Variants in SPTA1 observed in about 807,000 individuals in gnomAD.
The protein encoded by SPTA1 is spectrin alpha, erythrocytic 1.
In SPTA1, 177 loss-of-function variants were observed where a neutral mutation model predicts 324.7. That is an observed-to-expected ratio of 0.55 (90% CI 0.48 to 0.62). SPTA1 has a LOEUF of 0.62. Among genes scored for constraint, SPTA1 ranks in the 20% least tolerant of loss-of-function variants. The pLI, the probability that SPTA1 is intolerant of heterozygous loss-of-function variation, is 0.00. For synonymous variants in SPTA1, 1,195 were observed against 1,041.3 expected, an observed-to-expected ratio of 1.15 and a Z score of -2.84; for missense variants, 3,162 against 2,883.6, an observed-to-expected ratio of 1.10 and a Z score of -2.21.
At chr1:158,650,868 G>C (rs1652377845) in intron 24 of SPTA1, among the ~76,000 whole-genome samples, 2 of 152,168 alleles carry the variant, frequency 1.3e-5, no homozygotes, top group South Asian at 4.1e-4. Context: ...AGGAGGTTTG[G>C]ATATTGTAAT....
chr1:158,627,840 T>TGCCA, intron 39 of SPTA1, 117 bp from the exon 40 acceptor site: 2 of 966,316 alleles, frequency 2.1e-6, no homozygotes, highest in Non-Finnish European at 3.2e-6. Flanking sequence ...ATTGGCAGAC[T>TGCCA]AGGTGAATGC....
intron 46 of SPTA1, 54 bp downstream of exon 46, chr1:158,617,985 A>G (rs1649680041): frequency 5.2e-6 from 8 of 1,529,948 alleles, no homozygotes; most frequent in Non-Finnish European, 7.2e-6. Flanking sequence ...TTCTTAACGA[A>G]TTCTTCCATA....
chr1:158,651,130 A>T (rs1652395542), intron 24 of SPTA1, among the ~76,000 whole-genome samples: 1 of 152,342 alleles, frequency 6.6e-6, no homozygotes, highest in African/African-American at 2.4e-5. Context: ...GAGGGCATGG[A>T]GGACACTCAA....
chr1:158,683,862 GT>G (rs772553163), intron 2 of SPTA1, among the ~76,000 whole-genome samples: 5 of 151,390 alleles, frequency 3.3e-5, no homozygotes, highest in Middle Eastern at 3.4e-3. Flanking sequence ...AAAATTGAGA[GT>G]TTTTTTTGCA....
Position 158,638,128 on chromosome 1 carries a change from G to A in SPTA1, c.5094C>T (p.Val1698=), listed in dbSNP as rs774887230. The change falls in exon 36 of 52, where the codon GTC becomes GTT. Residue 1698 remains valine, a synonymous_variant. Coordinates refer to ENST00000643759, the MANE Select transcript of SPTA1 (RefSeq NM_003126.4). The part of the protein sequence containing the change: ...KDNVNKRFLN[V]QELAAAHHEK... ...CGTGGTGTGCAGCTGCCAATTCTTG[G>A]ACATTCAGGAAACGCTTGTTGACAT... 9 of 1,613,904 alleles carry A rather than the reference G, an allele frequency of 5.6e-6. No homozygotes were observed. In the South Asian group the frequency reaches 9.9e-5, roughly 18 times the overall value.
intron 39 of SPTA1, among the ~76,000 whole-genome samples, chr1:158,632,530 G>A (rs1021402181): frequency 9.9e-5 from 15 of 152,098 alleles, no homozygotes; most frequent in Non-Finnish European, 4.4e-5. Flanking sequence ...GAAAAATACA[G>A]ATGTCAAATA....
intron 39 of SPTA1, among the ~76,000 whole-genome samples, chr1:158,629,487 T>G (rs1299581621): frequency 1.3e-5 from 2 of 151,954 alleles, no homozygotes; most frequent in East Asian, 3.9e-4. Context: ...TCAGCACTCT[T>G]TCATGATAAA....
chr1:158,648,008 G>T (rs1304577195), intron 26 of SPTA1, among the ~76,000 whole-genome samples: 1 of 152,150 alleles, frequency 6.6e-6, no homozygotes, highest in East Asian at 1.9e-4. Flanking sequence ...CAAGGGTCTT[G>T]ATTCTTCATG....
Position 158,636,681 on chromosome 1 carries a change from C to G in SPTA1, c.5270G>C (p.Arg1757Pro). 6.2e-7 allele frequency: 1 copy of G among 1,614,136 alleles called. No individual in the cohort carries two copies. Among genetic ancestry groups the G allele is most frequent in the Non-Finnish European group, 8.5e-7 (1 of 1,180,008 alleles). ...ATGGGCCACCAGCTCCCCCTCTAGG[C>G]GTTTGTGCTTCTTCAGCAAGTTCTG... ...GVQNLLKKHKRLEGELVAHEP... is the reference protein window; with the variant it reads ...GVQNLLKKHKPLEGELVAHEP... Residue 1757 changes from arginine (R) to proline (P), a missense_variant, in exon 37 of 52, where the codon CGC becomes CCC. Coordinates refer to ENST00000643759, the MANE Select transcript of SPTA1 (RefSeq NM_003126.4).
In SPTA1 at chr1:158,677,847, A is replaced by T. The variant is rs753764449; in HGVS notation, c.813-13T>A. 73 of 1,613,310 alleles carry T rather than the reference A, an allele frequency of 4.5e-5. No individual in the cohort carries two copies. The highest frequency in any genetic ancestry group is 5.8e-5 in the Non-Finnish European group (68 of 1,179,582). Reference sequence around the variant, plus strand: ...TTCAGTCACATCCCTGCAGTCATTAACAAGAGCTCCAACCAAAGAAGATAG... The same window carrying T: ...TTCAGTCACATCCCTGCAGTCATTATCAAGAGCTCCAACCAAAGAAGATAG... On this transcript the variant is annotated splice_polypyrimidine_tract_variant and intron_variant, in intron 6 of 51. Transcript: ENST00000643759.
intron 12 of SPTA1, 73 bp downstream of exon 12, chr1:158,671,270 C>T: frequency 9.3e-7 from 1 of 1,072,460 alleles, no homozygotes; most frequent in East Asian, 2.4e-5. Flanking sequence ...GCAATGCTGT[C>T]TGGGGACAGG....
intron 34 of SPTA1, 44 bp from the exon 35 acceptor site, chr1:158,639,730 C>A (rs376129587): frequency 6.2e-7 from 1 of 1,612,524 alleles, no homozygotes; most frequent in South Asian, 1.1e-5. Context: ...GGTGAAACTG[C>A]CTTTAAGGAG....
At chr1:158,617,404 T>A in intron 47 of SPTA1, 133 bp downstream of exon 47, 2 of 731,534 alleles carry the variant, frequency 2.7e-6, no homozygotes, top group Non-Finnish European at 4.9e-6. Flanking sequence ...ATTCATGATG[T>A]GATGGCCTAT....
chr1:158,611,130 AGC>A lies in SPTA1; in HGVS notation c.*132_*133del. ...TAAATGTAATATGCACACAAACACA[AGC>A]ACACACACACACACACACACACACA... On this transcript the variant is annotated 3_prime_UTR_variant, in exon 52 of 52. Coordinates refer to ENST00000643759, the MANE Select transcript of SPTA1 (RefSeq NM_003126.4). The A allele has an allele frequency of 2.3e-6, 2 of 879,166 alleles. No individual in the cohort carries two copies. The highest frequency in any genetic ancestry group is 3.3e-6 in the Non-Finnish European group (2 of 605,392). The allele number at this position is 879,166 out of a possible 1,614,324, so 54.5% of individuals were successfully genotyped here.
intron 44 of SPTA1, among the ~76,000 whole-genome samples, chr1:158,619,920 T>TG (rs1190682750): frequency 6.6e-6 from 1 of 152,156 alleles, no homozygotes; most frequent in Non-Finnish European, 1.5e-5. Flanking sequence ...AACCATGTCT[T>TG]GGGGCTTCTG....
At position 158,647,524 on chromosome 1, in the gene SPTA1, C is replaced by T; in HGVS notation, c.3896+15G>A. 6.2e-7 allele frequency: 1 copy of T among 1,612,578 alleles called. No homozygotes were observed. The highest frequency in any genetic ancestry group is 8.5e-7 in the Non-Finnish European group (1 of 1,179,804). On this transcript the variant is annotated intron_variant, in intron 27 of 51. Transcript: ENST00000643759. ...ACTTAGAGGCCAGACACGGAAGTTA[C>T]CCACCCCACTCTACCTGGCCTTGCT...
chr1:158,659,306 A>T (rs947642306), intron 18 of SPTA1, among the ~76,000 whole-genome samples: 1 of 152,128 alleles, frequency 6.6e-6, no homozygotes, highest in South Asian at 2.1e-4. Flanking sequence ...GATTAAAAAA[A>T]TCTATATTTT....
chr1:158,629,491 T>A (rs143213592), intron 39 of SPTA1, among the ~76,000 whole-genome samples: 6 of 151,970 alleles, frequency 3.9e-5, no homozygotes, highest in Non-Finnish European at 5.9e-5. Flanking sequence ...CACTCTTTCA[T>A]GATAAAAACC....
At chr1:158,670,987 GA>G (rs58374630) in intron 12 of SPTA1, among the ~76,000 whole-genome samples, 42 of 145,424 alleles carry the variant, frequency 2.9e-4, no homozygotes, top group South Asian at 2.8e-3. Context: ...CACTTCATCA[GA>G]AAAAAAAAAC....
Sources: allele counts gnomAD v4.1 joint callset (sites outside exome capture counted in the v4.1 genomes callset), GRCh38; gene constraint gnomAD v4.1.1; transcripts MANE v1.5; gene names NCBI Gene and HGNC (gene_info 2026-07-23, HGNC 2026-07-21).